The following PKIG variants were observed in gnomAD, a reference collection of about 807,000 sequenced individuals.
The protein encoded by PKIG is protein kinase (cAMP-dependent, catalytic) inhibitor gamma.
In PKIG, 1 loss-of-function variant was observed where a neutral mutation model predicts 6.8. That is an observed-to-expected ratio of 0.15 (90% CI 0.05 to 0.69). PKIG has a LOEUF of 0.69. Ranked by LOEUF, PKIG falls within the 30% of genes least tolerant of loss-of-function variation. The pLI is 0.82. For missense variants in PKIG, 77 were observed against 104.0 expected (o/e 0.74, Z 1.13); for synonymous variants, 39 against 43.0 (o/e 0.91, Z 0.36).
At chr20:44,553,450 GGAAACCC>G (rs956494002) in intron 1 of PKIG, among the ~76,000 whole-genome samples, 6 of 152,094 alleles carry the variant, frequency 3.9e-5, no homozygotes, top group Non-Finnish European at 1.5e-5. Context: ...TTCTGAGATA[GGAAACCC>G]AAGCAGTATT....
intron 1 of PKIG, among the ~76,000 whole-genome samples, chr20:44,585,485 A>G (rs1213091752): frequency 2.0e-5 from 3 of 152,250 alleles, no homozygotes; most frequent in African/African-American, 4.8e-5. Context: ...GGCAGAGATC[A>G]TCTCCATTTT....
chr20:44,593,371 A>G (rs2065049938), intron 2 of PKIG, among the ~76,000 whole-genome samples: 1 of 62,244 alleles, frequency 1.6e-5, no homozygotes, highest in Non-Finnish European at 3.5e-5. Flanking sequence ...ATCAACACAC[A>G]CACACACACA....
chr20:44,579,322 CAA>C (rs1427596659), upstream of PKIG, among the ~76,000 whole-genome samples: 2 of 152,178 alleles, frequency 1.3e-5, no homozygotes, highest in African/African-American at 2.4e-5. Flanking sequence ...ATTAAACAGC[CAA>C]AGTTTCCTTC....
At chr20:44,574,477 G>A (rs6031659) in intron 1 of PKIG, among the ~76,000 whole-genome samples, 34,382 of 152,046 alleles carry the variant, frequency 0.23, 5,003 homozygotes, top group African/African-American at 0.42. Flanking sequence ...TGTTTCATCT[G>A]TGCTGGTAGC....
At chr20:44,566,449 G>A (rs771321827) in intron 1 of PKIG, among the ~76,000 whole-genome samples, 1 of 152,214 alleles carries the variant, frequency 6.6e-6, no homozygotes, top group Non-Finnish European at 1.5e-5. Flanking sequence ...AAAATAAGAT[G>A]CACAATTTAT....
intron 1 of PKIG, among the ~76,000 whole-genome samples, chr20:44,576,271 A>C (rs1333252082): frequency 6.6e-6 from 1 of 151,900 alleles, no homozygotes; most frequent in Non-Finnish European, 1.5e-5. Flanking sequence ...AGATGTATTC[A>C]GTGAACCAAG....
At chr20:44,592,759 C>T (rs2065043570) in intron 2 of PKIG, among the ~76,000 whole-genome samples, 1 of 152,200 alleles carries the variant, frequency 6.6e-6, no homozygotes, top group Non-Finnish European at 1.5e-5. Flanking sequence ...AAGTGAGAAT[C>T]CTGCCTAGTT....
chr20:44,532,966 C>T (rs2064480392), intron 1 of PKIG, among the ~76,000 whole-genome samples: 1 of 152,120 alleles, frequency 6.6e-6, no homozygotes, highest in South Asian at 2.1e-4. Flanking sequence ...GCAGGTGCTC[C>T]TCCTGAAAGA....
At chr20:44,582,104 C>T (rs1204965368), upstream of PKIG, among the ~76,000 whole-genome samples, 2 of 152,108 alleles carry the variant, frequency 1.3e-5, no homozygotes, top group Non-Finnish European at 2.9e-5. Context: ...AGGACAAACT[C>T]ATGTACTGTG....
intron 1 of PKIG, chr20:44,564,231 A>G (rs2064791616): frequency 6.6e-6 from 1 of 152,212 alleles, no homozygotes; most frequent in Admixed American, 6.5e-5. Context: ...GGCTCTGGTA[A>G]AGTATCTTGA....
chr20:44,575,219 A>AT (rs1206109545), intron 1 of PKIG, among the ~76,000 whole-genome samples: 10 of 151,860 alleles, frequency 6.6e-5, no homozygotes, highest in Admixed American at 6.6e-4. Context: ...TGCCTGGCTA[A>AT]TTTTTGTATT....
Position 44,614,436 on chromosome 20 carries a change from TC to T in PKIG, c.-23-97del. On this transcript the variant is annotated intron_variant, in intron 2 of 3. Transcript: ENST00000372886. The surrounding 1 kb of genome is among the most constrained non-coding windows in gnomAD (Gnocchi z 4.6). ...TGTTTTCAATAAGAGGCAATAACTGTCATTTTGACAGAAGCCACTGTGCTGG... is the reference window on the plus strand; with the variant it reads ...TGTTTTCAATAAGAGGCAATAACTGTATTTTGACAGAAGCCACTGTGCTGG... 1 of 830,236 alleles carries T rather than the reference TC, an allele frequency of 1.2e-6. No homozygotes were observed. The highest frequency in any genetic ancestry group is 1.7e-5 in the African/African-American group (1 of 58,764). 51.4% of individuals were successfully genotyped at this position (830,236 alleles called of 1,614,324 possible).
At chr20:44,607,222 G>A (rs940070658) in intron 2 of PKIG, among the ~76,000 whole-genome samples, 1 of 151,926 alleles carries the variant, frequency 6.6e-6, no homozygotes, top group African/African-American at 2.4e-5. Flanking sequence ...GACAATAAAA[G>A]GAACAATTTA....
Position 44,617,215 on chromosome 20 carries a change from C to G in PKIG, c.152-1070C>G, listed in dbSNP as rs370096380. On this transcript the variant is annotated intron_variant, in intron 3 of 3. Coordinates refer to ENST00000372886, the MANE Select transcript of PKIG (RefSeq NM_001281445.2). ...CTCCTGGTTCTGTGAAGGGCTTAGC[C>G]TGAAGGATAAAAAGGTGTGGTCTGG... Among the ~76,000 whole-genome samples, 39 of 152,256 alleles carry G rather than the reference C, an allele frequency of 2.6e-4. No homozygotes were observed. In the East Asian group the frequency reaches 6.2e-3, roughly 24 times the overall value.
chr20:44,602,295 CAGAG>C (rs1253673308), intron 2 of PKIG, among the ~76,000 whole-genome samples: 2 of 152,218 alleles, frequency 1.3e-5, no homozygotes, highest in African/African-American at 4.8e-5. Context: ...ACCACCTCCT[CAGAG>C]AGGCCTTTCC....
chr20:44,537,253 C>A (rs574836709), intron 1 of PKIG, among the ~76,000 whole-genome samples: 11 of 151,964 alleles, frequency 7.2e-5, no homozygotes, highest in Non-Finnish European at 1.6e-4. Flanking sequence ...TACAGGCACG[C>A]GCCACCACGC....
intron 1 of PKIG, among the ~76,000 whole-genome samples, chr20:44,554,076 A>AT (rs3092226): frequency 0.023 from 3,458 of 147,688 alleles, 64 homozygotes; most frequent in South Asian, 0.039. Flanking sequence ...TTAAAAAAAA[A>AT]TTTTTTTTTT....
chr20:44,598,439 G>T (rs1219001539), intron 2 of PKIG, among the ~76,000 whole-genome samples: 1 of 152,208 alleles, frequency 6.6e-6, no homozygotes, highest in East Asian at 1.9e-4. Context: ...CCACCACAGA[G>T]ATACCCAGTT....
chr20:44,546,858 C>A (rs552988300), intron 1 of PKIG, among the ~76,000 whole-genome samples: 130 of 152,240 alleles, frequency 8.5e-4, no homozygotes, highest in African/African-American at 3.0e-3. Context: ...CCAGGCCCCT[C>A]ACTGATTTTA....
Sources: allele counts gnomAD v4.1 joint callset (sites outside exome capture counted in the v4.1 genomes callset), GRCh38; gene constraint gnomAD v4.1.1; non-coding constraint Gnocchi (gnomAD v3.1); transcripts MANE v1.5; gene names NCBI Gene and HGNC (gene_info 2026-07-23, HGNC 2026-07-21).